CIITA: variants seen among roughly 807,000 people sequenced by gnomAD.
CIITA encodes MHC class II transactivator.
In CIITA, 72 loss-of-function variants were observed where a neutral mutation model predicts 115.1. That is an observed-to-expected ratio of 0.63 (90% CI 0.52 to 0.76). CIITA has a LOEUF of 0.76. CIITA is among the 30% of genes least tolerant of loss of function. CIITA has a pLI of 0.00. For missense variants in CIITA, 1,617 were observed against 1,463.8 expected (o/e 1.10, Z -1.71); for synonymous variants, 763 against 635.6 (o/e 1.20, Z -3.02).
chr16:10,892,412 C>T (rs539570246), intron 1 of CIITA, among the ~76,000 whole-genome samples: 53 of 152,242 alleles, frequency 3.5e-4, no homozygotes, highest in Non-Finnish European at 6.3e-4. Flanking sequence ...TCAATGTATT[C>T]TCTTCTGGGC....
chr16:10,882,510 CT>C (rs1275150162), intron 1 of CIITA, among the ~76,000 whole-genome samples: 1 of 152,156 alleles, frequency 6.6e-6, no homozygotes, highest in East Asian at 1.9e-4. Flanking sequence ...AGGATGATGG[CT>C]TGAGACCAGG....
rs2040381377 is a variant in CIITA, at chr16:10,923,406, G to A, written c.*22+81G>A. 4 of 1,153,206 alleles carry A rather than the reference G, an allele frequency of 3.5e-6. No homozygotes were observed. The highest frequency in any genetic ancestry group is 5.2e-6 in the Non-Finnish European group (4 of 770,330). The allele number at this position is 1,153,206 out of a possible 1,614,324, so 71.4% of individuals were successfully genotyped here. A position where few individuals can be genotyped will look rare whatever the true frequency, so the allele number is the denominator to read the frequency against. On this transcript the variant is annotated intron_variant, in intron 19 of 19. Coordinates refer to ENST00000324288, the MANE Select transcript of CIITA (RefSeq NM_000246.4). The surrounding 1 kb of genome is among the most constrained non-coding windows in gnomAD (Gnocchi z 5.2). Reference sequence around the variant, plus strand: ...TGTGAAGGTGGCATTCAAAAAATGTGGGCGGGACACAGGTGGGGCTAGGCC... The same window carrying A: ...TGTGAAGGTGGCATTCAAAAAATGTAGGCGGGACACAGGTGGGGCTAGGCC...
At position 10,879,369 on chromosome 16, in the gene CIITA, C is replaced by T. The variant is rs1596425544; in HGVS notation, c.52+1987C>T. 6.6e-6 allele frequency among the ~76,000 whole-genome samples: 1 copy of T among 152,132 alleles called. No homozygotes were observed. Among genetic ancestry groups the T allele is most frequent in the East Asian group, 1.9e-4 (1 of 5,148 alleles). ...GGAGCAGACACACTCCCCCGGCCAC[C>T]CTTGGCCGACTCCGCGCGCCCGGGA... On this transcript the variant is annotated intron_variant, in intron 1 of 19. Transcript: ENST00000324288. The surrounding 1 kb of genome is among the most constrained non-coding windows in gnomAD (Gnocchi z 4.3).
chr16:10,879,599 T>C lies in CIITA; in HGVS notation c.52+2217T>C, dbSNP rs2143568267. Among the ~76,000 whole-genome samples the C allele has an allele frequency of 6.6e-6, 1 of 152,148 alleles. No individual in the cohort carries two copies. Among genetic ancestry groups the C allele is most frequent in the African/African-American group, 2.4e-5 (1 of 41,516 alleles). The stretch of plus-strand genomic sequence containing the variant: ...GGATGGGATAAGTCCTCAACTCTCG[T>C]TGAACATCTTGGCGAAGGTGTGTGT... On this transcript the variant is annotated intron_variant, in intron 1 of 19. Transcript: ENST00000324288. This position sits in a 1 kb window ranked among gnomAD's most constrained non-coding sequence, Gnocchi z 4.3.
At chr16:10,895,595 C>T (rs955183519) in intron 2 of CIITA, 74 bp from the exon 3 acceptor site, 22 of 1,589,584 alleles carry the variant, frequency 1.4e-5, no homozygotes, top group African/African-American at 2.7e-5. Context: ...CAGCCCTGCC[C>T]CGCCTCTCCC....
chr16:10,900,926 AT>A (rs760579926), intron 5 of CIITA, among the ~76,000 whole-genome samples: 23 of 152,174 alleles, frequency 1.5e-4, no homozygotes, highest in South Asian at 1.0e-3. Context: ...TTTTTGGTAC[AT>A]TTCAATGTAC....
At position 10,903,793 on chromosome 16, in the gene CIITA, A is replaced by T; in HGVS notation, c.835A>T (p.Thr279Ser). ...PSGFTVHGLP[T>S]SPDRPGSTSP... ...TGGATTCACTGTCCACGGCCTCCCAACATCTCCAGACCGGCCAGGCTCCAC... is the reference window on the plus strand; with the variant it reads ...TGGATTCACTGTCCACGGCCTCCCATCATCTCCAGACCGGCCAGGCTCCAC... Residue 279 changes from threonine to serine, a missense_variant, in exon 9 of 20, where the codon ACA (threonine) becomes TCA (serine). Transcript: ENST00000324288. 6.2e-7 allele frequency: 1 copy of T among 1,613,992 alleles called. No homozygotes were observed. The highest frequency in any genetic ancestry group is 8.5e-7 in the Non-Finnish European group (1 of 1,179,976).
At chr16:10,895,800 A>C in intron 3 of CIITA, 36 bp downstream of exon 3, 1 of 1,600,598 alleles carries the variant, frequency 6.2e-7, no homozygotes, top group East Asian at 2.2e-5. Flanking sequence ...AGGACAATCA[A>C]GGGCAAGAGT....
chr16:10,878,937 G>A (rs993036011), intron 1 of CIITA: 23 of 226,520 alleles, frequency 1.0e-4, no homozygotes, highest in Non-Finnish European at 1.8e-4. Flanking sequence ...GGGGAGGCGG[G>A]GAGGTAGGAT....
rs898135579 is a variant in CIITA, at chr16:10,898,750, G to T, written c.358+18G>T. 1 of 1,611,314 alleles carries T rather than the reference G, an allele frequency of 6.2e-7. No individual in the cohort carries two copies. The highest frequency in any genetic ancestry group is 8.5e-7 in the Non-Finnish European group (1 of 1,178,754). ...CATTTTCAGTAAGTTTGTGGTGGGT[G>T]GGGAGGTCTTGGCTCAGCCTGCATT... On this transcript the variant is annotated intron_variant, in intron 4 of 19. Transcript: ENST00000324288.
chr16:10,912,940 C>CTGTCTGTCAAA (rs2039682173), intron 13 of CIITA, among the ~76,000 whole-genome samples: 1 of 152,262 alleles, frequency 6.6e-6, no homozygotes, highest in East Asian at 1.9e-4. Flanking sequence ...TAGACCTCAT[C>CTGTCTGTCAAA]TGTCTGTCAA....
Position 10,942,106 on chromosome 16 carries a change from C to G in CIITA, n.1232C>G, listed in dbSNP as rs1330705444. The G allele has an allele frequency of 1.0e-6, 1 of 963,934 alleles. No individual in the cohort carries two copies. The highest frequency in any genetic ancestry group is 3.5e-5 in the East Asian group (1 of 28,416). The allele number at this position is 963,934 out of a possible 1,614,324, so 59.7% of individuals were successfully genotyped here. On this transcript the variant is annotated non_coding_transcript_exon_variant, in exon 2 of 2. Coordinates refer to the CIITA transcript ENST00000573379. The surrounding 1 kb of genome is among the most constrained non-coding windows in gnomAD (Gnocchi z 5.0). ...GCACAGCGCAGCCATCCAGGGGTACCCTGGAGCCCGACAGAAGCAGGGCCG... is the reference window on the plus strand; with the variant it reads ...GCACAGCGCAGCCATCCAGGGGTACGCTGGAGCCCGACAGAAGCAGGGCCG...
At chr16:10,938,241 C>G (rs1403717630), downstream of CIITA, 1 of 152,084 alleles carries the variant, frequency 6.6e-6, no homozygotes, top group Non-Finnish European at 1.5e-5. This position sits in a 1 kb window ranked among gnomAD's most constrained non-coding sequence, Gnocchi z 4.9. Flanking sequence ...GCAGCATGCC[C>G]AAGGTCACAG....
chr16:10,900,820 A>C (rs1451768000), intron 5 of CIITA, among the ~76,000 whole-genome samples: 1 of 152,118 alleles, frequency 6.6e-6, no homozygotes, highest in Non-Finnish European at 1.5e-5. Context: ...ACCATGTACC[A>C]TTTTGATTCT....
At position 10,901,830 on chromosome 16, in the gene CIITA, G is replaced by A; in HGVS notation, c.482-208G>A. ...TGTGGAGGCCCTAGGGTCCTGCTCA[G>A]CATAGCTCTCAGAGCCAAGTCACAA... On this transcript the variant is annotated intron_variant, in intron 6 of 19. Coordinates refer to ENST00000324288, the MANE Select transcript of CIITA (RefSeq NM_000246.4). This position sits in a 1 kb window ranked among gnomAD's most constrained non-coding sequence, Gnocchi z 6.8. 2.6e-6 allele frequency: 2 copies of A among 775,412 alleles called. No individual in the cohort carries two copies. The highest frequency in any genetic ancestry group is 5.0e-5 in the East Asian group (2 of 39,726). 48.0% of individuals were successfully genotyped at this position (775,412 alleles called of 1,614,324 possible).
At position 10,933,340 on chromosome 16, in the gene CIITA, G is replaced by T. The variant is rs183746719; in HGVS notation, c.*9485G>T. The T allele has an allele frequency of 2.0e-5, 3 of 152,316 alleles. No individual in the cohort carries two copies. The highest frequency in any genetic ancestry group is 4.4e-5 in the Non-Finnish European group (3 of 68,110). 9.4% of individuals were successfully genotyped at this position (152,316 alleles called of 1,614,324 possible). A position where few individuals can be genotyped will look rare whatever the true frequency, so the allele number is the denominator to read the frequency against. On this transcript the variant is annotated 3_prime_UTR_variant, in exon 20 of 20. Coordinates refer to ENST00000324288, the MANE Select transcript of CIITA (RefSeq NM_000246.4). ...GTGGCTTAAGTAAGAAGATGGCCCT[G>T]GCGTTTTACGCGCACTGGTGGGTGA...
At chr16:10,917,350 T>A (rs910791094) in intron 15 of CIITA, among the ~76,000 whole-genome samples, 12 of 152,352 alleles carry the variant, frequency 7.9e-5, no homozygotes, top group Non-Finnish European at 1.8e-4. Flanking sequence ...TTTTTGTATT[T>A]TTTTGTAGAG....
chr16:10,916,257 T>C, intron 14 of CIITA, 110 bp from the exon 15 acceptor site: 1 of 951,002 alleles, frequency 1.1e-6, no homozygotes, highest in Non-Finnish European at 1.7e-6. Flanking sequence ...GTATTAGAGC[T>C]GGGGGGTGGG....
At chr16:10,900,433 C>G (rs766043635) in intron 5 of CIITA, among the ~76,000 whole-genome samples, 3 of 151,974 alleles carry the variant, frequency 2.0e-5, no homozygotes, top group African/African-American at 4.8e-5. Flanking sequence ...ATATTTCCCC[C>G]CAAGATTTTA....
Sources: gnomAD v4.1 joint callset for allele counts (sites outside exome capture counted in the v4.1 genomes callset) on GRCh38, gnomAD v4.1.1 for gene constraint, Gnocchi (gnomAD v3.1) non-coding constraint, MANE v1.5 for transcripts, NCBI Gene and HGNC (gene_info 2026-07-23, HGNC 2026-07-21) for gene names.